Variants in GTF2IRD1 observed in about 807,000 individuals in gnomAD.
The protein encoded by GTF2IRD1 is general transcription factor II-I repeat domain-containing protein 1.
Under a neutral mutation model 113.2 loss-of-function variants are expected in GTF2IRD1, and 26 were observed. The ratio of observed to expected loss-of-function variants is 0.23; its 90% confidence interval spans 0.17 to 0.32. The LOEUF (loss-of-function observed/expected upper bound fraction) is 0.32, where lower values mean the gene tolerates loss of function less well. Among genes scored for constraint, GTF2IRD1 ranks in the 10% least tolerant of loss-of-function variants. GTF2IRD1 has a pLI of 1.00. For missense variants in GTF2IRD1, 864 were observed against 1,280.8 expected (o/e 0.67, Z 4.97); for synonymous variants, 484 against 529.1 (o/e 0.91, Z 1.17).
At position 74,601,149 on chromosome 7, in the gene GTF2IRD1, C is replaced by T; in HGVS notation, c.2735C>T (p.Ser912Leu). The part of the protein sequence containing the change: ...SSSSSSSNPD[S>L]VASANQISLV... ...TCTTCCTCGTCCTCTAACCCGGATT[C>T]AGTGGCATCGGCCAACCAGATCTCA... The change falls in exon 26 of 27, where the codon TCA (serine) becomes TTA (leucine). Residue 912 changes from serine (S) to leucine (L), a missense_variant. This residue lies in a region of GTF2IRD1 where 55 missense variants were observed against 52.2 expected (regional missense o/e 1.05). Transcript: ENST00000424337. 1.2e-6 allele frequency: 2 copies of T among 1,607,774 alleles called. No homozygotes were observed. Among genetic ancestry groups the T allele is most frequent in the Non-Finnish European group, 1.7e-6 (2 of 1,176,846 alleles).
At chr7:74,561,295 G>C (rs1263753018) in intron 22 of GTF2IRD1, among the ~76,000 whole-genome samples, 4 of 149,760 alleles carry the variant, frequency 2.7e-5, no homozygotes, top group Non-Finnish European at 4.4e-5. Context: ...GTTGCAGTGA[G>C]CCGAGATCGC....
intron 1 of GTF2IRD1, among the ~76,000 whole-genome samples, chr7:74,498,073 T>G (rs1270560190): frequency 6.6e-6 from 1 of 152,166 alleles, no homozygotes; most frequent in Non-Finnish European, 1.5e-5. Flanking sequence ...TTTGCTAATC[T>G]TTAGTGATGT....
intron 8 of GTF2IRD1, among the ~76,000 whole-genome samples, chr7:74,524,990 T>C (rs1286351167): frequency 3.3e-5 from 5 of 152,110 alleles, no homozygotes; most frequent in African/African-American, 1.2e-4. Flanking sequence ...TGAGCTACGA[T>C]TGTACCCCTG....
chr7:74,521,350 G>A, intron 7 of GTF2IRD1, 53 bp downstream of exon 7: 2 of 1,062,538 alleles, frequency 1.9e-6, no homozygotes, highest in Non-Finnish European at 2.9e-6. Context: ...TGAGGTTGGA[G>A]GTGGTGCTTA....
At chr7:74,541,536 G>A (rs1345503938) in intron 14 of GTF2IRD1, among the ~76,000 whole-genome samples, 3 of 152,100 alleles carry the variant, frequency 2.0e-5, no homozygotes, top group Non-Finnish European at 4.4e-5. Flanking sequence ...TGAGGTAGGA[G>A]GATTGATTGA....
chr7:74,582,013 A>T (rs782344543), intron 22 of GTF2IRD1, among the ~76,000 whole-genome samples: 10 of 152,282 alleles, frequency 6.6e-5, no homozygotes, highest in Admixed American at 2.0e-4. Flanking sequence ...TCAACTCAAA[A>T]AAATAAATAA....
chr7:74,492,479 T>A (rs548307376), intron 1 of GTF2IRD1, among the ~76,000 whole-genome samples: 11 of 152,092 alleles, frequency 7.2e-5, no homozygotes, highest in Non-Finnish European at 1.6e-4. Flanking sequence ...CCAGCATCTG[T>A]CATTTTTTGA....
intron 1 of GTF2IRD1, among the ~76,000 whole-genome samples, chr7:74,474,546 G>A (rs1794296804): frequency 6.6e-6 from 1 of 152,192 alleles, no homozygotes; most frequent in African/African-American, 2.4e-5. Context: ...GCAGGGCCAT[G>A]TTTACTCCAG....
At chr7:74,540,043 C>A in intron 14 of GTF2IRD1, 75 bp downstream of exon 14, 2 of 1,050,052 alleles carry the variant, frequency 1.9e-6, no homozygotes, top group Non-Finnish European at 1.5e-6. Context: ...GTGGGCCAGG[C>A]CGTCCCCAGG....
At chr7:74,544,225 C>T (rs1171031226) in intron 14 of GTF2IRD1, among the ~76,000 whole-genome samples, 3 of 152,196 alleles carry the variant, frequency 2.0e-5, no homozygotes, top group Admixed American at 2.0e-4. Context: ...GAGTCTCACT[C>T]TGTTGCCCAG....
intron 7 of GTF2IRD1, among the ~76,000 whole-genome samples, chr7:74,521,735 C>G (rs1797312597): frequency 6.6e-6 from 1 of 152,104 alleles, no homozygotes; most frequent in Admixed American, 6.6e-5. Context: ...GCACTCCAGC[C>G]CGGGCAACAG....
At chr7:74,579,175 G>C (rs1554365374) in intron 22 of GTF2IRD1, among the ~76,000 whole-genome samples, 1 of 152,088 alleles carries the variant, frequency 6.6e-6, no homozygotes, top group African/African-American at 2.4e-5. Flanking sequence ...GTTAAAATTA[G>C]CCAGACGTGG....
rs1165378230 is a variant in GTF2IRD1, at chr7:74,576,617, C to CTTTTTT, written c.2321-13207_2321-13202dup. On this transcript the variant is annotated intron_variant, in intron 22 of 26. Transcript: ENST00000424337. Reference sequence around the variant, plus strand: ...TCTAGGGGAAAATCTATTTCCTTGTCTTTTTTTTTTTTTTTTTTTTTTTTT... The same window carrying CTTTTTT: ...TCTAGGGGAAAATCTATTTCCTTGTCTTTTTTTTTTTTTTTTTTTTTTTTTTTTTTT... 6.8e-3 allele frequency among the ~76,000 whole-genome samples: 337 copies of CTTTTTT among 49,364 alleles called. 34 individuals carry two copies. Among genetic ancestry groups the CTTTTTT allele is most frequent in the African/African-American group, 0.011 (124 of 11,736 alleles). The allele number at this position is 49,364 out of a possible 152,430, so 32.4% of individuals were successfully genotyped here.
At chr7:74,486,327 G>A (rs533530007) in intron 1 of GTF2IRD1, among the ~76,000 whole-genome samples, 148 of 152,302 alleles carry the variant, frequency 9.7e-4, no homozygotes, top group African/African-American at 3.5e-3. Flanking sequence ...ATGGGTGGGT[G>A]GTCCAGCCGC....
At chr7:74,563,981 A>G (rs1442237526) in intron 22 of GTF2IRD1, among the ~76,000 whole-genome samples, 1 of 152,024 alleles carries the variant, frequency 6.6e-6, no homozygotes, top group African/African-American at 2.4e-5. Flanking sequence ...CACCCCGAGA[A>G]GGTAAAAATT....
rs587631660 is a variant in GTF2IRD1, at chr7:74,554,964, T to TG, written c.1917-202dup. ...GATATCAGATGGACCTGTTCAGGACTGGGGGGGGTCTCACTCCCAGCTGGA... is the reference window on the plus strand; with the variant it reads ...GATATCAGATGGACCTGTTCAGGACTGGGGGGGGGTCTCACTCCCAGCTGGA... On this transcript the variant is annotated intron_variant, in intron 17 of 26. Transcript: ENST00000424337. 4.5e-4 allele frequency among the ~76,000 whole-genome samples: 68 copies of TG among 151,918 alleles called. 1 individual carries two copies. The highest frequency in any genetic ancestry group is 4.0e-3 in the South Asian group (19 of 4,798).
chr7:74,515,089 A>G (rs1052805538), intron 3 of GTF2IRD1, among the ~76,000 whole-genome samples: 1 of 150,962 alleles, frequency 6.6e-6, no homozygotes, highest in African/African-American at 2.4e-5. Context: ...ATAGAAAGAC[A>G]CAGATGGAAC....
intron 3 of GTF2IRD1, among the ~76,000 whole-genome samples, chr7:74,513,300 A>G (rs1796740294): frequency 6.6e-6 from 1 of 152,140 alleles, no homozygotes; most frequent in South Asian, 2.1e-4. Flanking sequence ...ACTTATGCCA[A>G]CACAATTTTT....
intron 14 of GTF2IRD1, among the ~76,000 whole-genome samples, chr7:74,540,533 T>G (rs1554351420): frequency 6.6e-6 from 1 of 151,994 alleles, no homozygotes; most frequent in African/African-American, 2.4e-5. Context: ...AACTATTTAT[T>G]GAGCATCTGT....
Sources: allele counts gnomAD v4.1 joint callset (sites outside exome capture counted in the v4.1 genomes callset), GRCh38; gene constraint gnomAD v4.1.1; regional missense constraint gnomAD v4.1.1; transcripts MANE v1.5; gene names NCBI Gene and HGNC (gene_info 2026-07-23, HGNC 2026-07-21).